Variants in PRC1 observed in about 807,000 individuals in gnomAD.
PRC1 encodes the protein anaphase spindle elongation 1 homolog.
In PRC1, 54 loss-of-function variants were observed where a neutral mutation model predicts 91.2. That is an observed-to-expected ratio of 0.59 (90% CI 0.48 to 0.74). The LOEUF is 0.74. Ranked by LOEUF, PRC1 falls within the 30% of genes least tolerant of loss-of-function variation. The pLI is 0.00. For synonymous variants in PRC1, 275 were observed against 263.6 expected (o/e 1.04, Z -0.42); for missense variants, 727 against 746.2 (o/e 0.97, Z 0.30).
intron 14 of PRC1, 174 bp from the exon 15 acceptor site, chr15:90,967,376 A>G (rs1325262642): frequency 3.4e-5 from 21 of 616,034 alleles, no homozygotes; most frequent in East Asian, 1.7e-4. Flanking sequence ...GCACCATTCT[A>G]TTAGTCACAG....
At chr15:90,981,305 T>C (rs1248088198) in intron 5 of PRC1, 194 bp downstream of exon 5, 1 of 706,974 alleles carries the variant, frequency 1.4e-6, no homozygotes, top group Non-Finnish European at 2.2e-6. Flanking sequence ...AATTTCATTT[T>C]CTTGGAGCCA....
chr15:90,972,924 T>C (rs1211137997), intron 11 of PRC1: 2 of 152,298 alleles, frequency 1.3e-5, no homozygotes, highest in African/African-American at 4.8e-5. Flanking sequence ...TACCAGAATG[T>C]TGGCAATCAT....
intron 11 of PRC1, among the ~76,000 whole-genome samples, chr15:90,971,537 T>G (rs2038126946): frequency 6.6e-6 from 1 of 151,812 alleles, no homozygotes; most frequent in Non-Finnish European, 1.5e-5. Flanking sequence ...CTACCTTGGC[T>G]TCCCGAAGTA....
chr15:90,992,527 T>G (rs2040036666), intron 1 of PRC1, among the ~76,000 whole-genome samples: 1 of 152,214 alleles, frequency 6.6e-6, no homozygotes, highest in Admixed American at 6.5e-5. Context: ...GTGCTGGGAT[T>G]ACAGGTGTGA....
At chr15:90,979,028 G>A in intron 8 of PRC1, 130 bp downstream of exon 8, 2 of 1,182,832 alleles carry the variant, frequency 1.7e-6, no homozygotes, top group Non-Finnish European at 2.3e-6. Context: ...GAGGCGGTCA[G>A]CAGAAATTCA....
intron 8 of PRC1, 138 bp downstream of exon 8, chr15:90,979,020 G>A: frequency 1.8e-6 from 2 of 1,094,758 alleles, no homozygotes; most frequent in South Asian, 1.7e-5. Flanking sequence ...ATCAAACAGA[G>A]GCGGTCAGCA....
chr15:90,977,794 G>T (rs1043560911), intron 8 of PRC1, among the ~76,000 whole-genome samples: 1 of 151,920 alleles, frequency 6.6e-6, no homozygotes, highest in Non-Finnish European at 1.5e-5. Context: ...CACTGTGTTA[G>T]CCAAGATGGT....
At chr15:90,969,681 A>G in intron 12 of PRC1, 58 bp from the exon 13 acceptor site, 1 of 1,489,052 alleles carries the variant, frequency 6.7e-7, no homozygotes, top group Non-Finnish European at 9.1e-7. Flanking sequence ...GCACACGCAC[A>G]CACAATACCT....
intron 1 of PRC1, among the ~76,000 whole-genome samples, chr15:90,987,144 G>A (rs1014830539): frequency 6.6e-6 from 1 of 151,596 alleles, no homozygotes; most frequent in Non-Finnish European, 1.5e-5. Context: ...AGCCGGGCAC[G>A]GTGACGTATG....
In PRC1 at chr15:90,974,319, G is replaced by A; in HGVS notation, c.1351-73C>T. The A allele has an allele frequency of 6.0e-6, 8 of 1,344,008 alleles. No homozygotes were observed. The highest frequency in any genetic ancestry group is 8.5e-6 in the Non-Finnish European group (8 of 943,804). The allele number at this position is 1,344,008 out of a possible 1,614,324, so 83.3% of individuals were successfully genotyped here. A position where few individuals can be genotyped will look rare whatever the true frequency, so the allele number is the denominator to read the frequency against. On this transcript the variant is annotated intron_variant, in intron 10 of 14. Transcript: ENST00000394249. The surrounding 1 kb of genome is among the most constrained non-coding windows in gnomAD (Gnocchi z 4.6). ...GGTCTGGGATGGCAACAGCAGCAGG[G>A]CCGGGAATCTAGGCCCGTGTCTCTA...
At chr15:90,973,596 T>G (rs2038380865) in intron 11 of PRC1, among the ~76,000 whole-genome samples, 1 of 152,070 alleles carries the variant, frequency 6.6e-6, no homozygotes, top group African/African-American at 2.4e-5. Context: ...AATATCTCGG[T>G]GTAAAACCCG....
In PRC1 at chr15:90,966,906, AAAC is replaced by A. The variant is rs1182919757; in HGVS notation, c.*222_*224del. ...TGCTAAAATTTGCACTTCTTGCCAT[AAAC>A]TTTTCATGTATATAAGTCAAAACCA... On this transcript the variant is annotated 3_prime_UTR_variant, in exon 15 of 15. Coordinates refer to ENST00000394249, the MANE Select transcript of PRC1 (RefSeq NM_003981.4). The A allele has an allele frequency of 1.7e-6, 1 of 571,540 alleles. No individual in the cohort carries two copies. The highest frequency in any genetic ancestry group is 3.1e-6 in the Non-Finnish European group (1 of 320,308). The allele number at this position is 571,540 out of a possible 1,614,324, so 35.4% of individuals were successfully genotyped here. A position where few individuals can be genotyped will look rare whatever the true frequency, so the allele number is the denominator to read the frequency against.
At chr15:90,976,628 G>A in intron 9 of PRC1, 48 bp downstream of exon 9, 2 of 1,367,668 alleles carry the variant, frequency 1.5e-6, no homozygotes, top group Non-Finnish European at 2.1e-6. Context: ...TACAAATAGT[G>A]AGGTATCTTT....
Position 90,981,732 on chromosome 15 carries a change from A to C in PRC1, c.501+16T>G. 1 of 1,609,500 alleles carries C rather than the reference A, an allele frequency of 6.2e-7. No individual in the cohort carries two copies. The highest frequency in any genetic ancestry group is 8.5e-7 in the Non-Finnish European group (1 of 1,176,588). On this transcript the variant is annotated intron_variant, in intron 4 of 14. Coordinates refer to ENST00000394249, the MANE Select transcript of PRC1 (RefSeq NM_003981.4). Reference sequence around the variant, plus strand: ...ACCAAAGTGACTTTTAGGAAGAACAAATGTAGGCAGTGTACCTTTGTTTCC... The same window carrying C: ...ACCAAAGTGACTTTTAGGAAGAACACATGTAGGCAGTGTACCTTTGTTTCC...
At position 90,974,029 on chromosome 15, in the gene PRC1, T is replaced by G; in HGVS notation, c.1461+107A>C. 1.4e-4 allele frequency: 120 copies of G among 867,176 alleles called. No individual in the cohort carries two copies. The highest frequency in any genetic ancestry group is 3.1e-4 in the Middle Eastern group (1 of 3,276). 53.7% of individuals were successfully genotyped at this position (867,176 alleles called of 1,614,324 possible). ...TTTCTCTGTCTCTTGTCCCACCTGATGAGAAATACCCACAGGTGTGGAGGG... is the reference window on the plus strand; with the variant it reads ...TTTCTCTGTCTCTTGTCCCACCTGAGGAGAAATACCCACAGGTGTGGAGGG... On this transcript the variant is annotated intron_variant, in intron 11 of 14. Transcript: ENST00000394249. The surrounding 1 kb of genome is among the most constrained non-coding windows in gnomAD (Gnocchi z 4.6).
Position 90,974,812 on chromosome 15 carries a change from A to T in PRC1, c.1204-81T>A, listed in dbSNP as rs2038527958. 4.0e-6 allele frequency: 6 copies of T among 1,511,918 alleles called. No individual in the cohort carries two copies. The highest frequency in any genetic ancestry group is 3.4e-5 in the Admixed American group (2 of 58,988). The allele number at this position is 1,511,918 out of a possible 1,614,324, so 93.7% of individuals were successfully genotyped here. A position where few individuals can be genotyped will look rare whatever the true frequency, so the allele number is the denominator to read the frequency against. On this transcript the variant is annotated intron_variant, in intron 9 of 14. Coordinates refer to ENST00000394249, the MANE Select transcript of PRC1 (RefSeq NM_003981.4). This position sits in a 1 kb window ranked among gnomAD's most constrained non-coding sequence, Gnocchi z 4.6. ...AATGAAATGATTTCCCTAGAGAGTGACTCCTCCTCCCCAGAGCATCATTAG... is the reference window on the plus strand; with the variant it reads ...AATGAAATGATTTCCCTAGAGAGTGTCTCCTCCTCCCCAGAGCATCATTAG...
At chr15:90,972,840 G>A (rs2038283967) in intron 11 of PRC1, 1 of 152,176 alleles carries the variant, frequency 6.6e-6, no homozygotes, top group African/African-American at 2.4e-5. Context: ...GTACCACAAG[G>A]CCATCTCTTG....
Position 90,970,639 on chromosome 15 carries a change from G to A in PRC1, c.1462-125C>T, listed in dbSNP as rs1449155892. 7.3e-6 allele frequency: 5 copies of A among 682,040 alleles called. No homozygotes were observed. In the African/African-American group the frequency reaches 8.8e-5, roughly 12 times the overall value. The allele number at this position is 682,040 out of a possible 1,614,324, so 42.2% of individuals were successfully genotyped here. On this transcript the variant is annotated intron_variant, in intron 11 of 14. Coordinates refer to ENST00000394249, the MANE Select transcript of PRC1 (RefSeq NM_003981.4). ...TCTAGGGAAGACGGGTTTACATGGT[G>A]AAGGGCCTGCTGTGTCTAATACTGC...
rs2038427209 is a variant in PRC1, at chr15:90,974,036, T to A, written c.1461+100A>T. The A allele has an allele frequency of 2.2e-6, 2 of 914,802 alleles. No homozygotes were observed. The highest frequency in any genetic ancestry group is 2.9e-5 in the South Asian group (2 of 68,774). The allele number at this position is 914,802 out of a possible 1,614,324, so 56.7% of individuals were successfully genotyped here. ...GTCTCTTGTCCCACCTGATGAGAAA[T>A]ACCCACAGGTGTGGAGGGGCTGGCC... On this transcript the variant is annotated intron_variant, in intron 11 of 14. Transcript: ENST00000394249. The surrounding 1 kb of genome is among the most constrained non-coding windows in gnomAD (Gnocchi z 4.6).
Sources: allele counts gnomAD v4.1 joint callset (sites outside exome capture counted in the v4.1 genomes callset), GRCh38; gene constraint gnomAD v4.1.1; non-coding constraint Gnocchi (gnomAD v3.1); transcripts MANE v1.5; gene names NCBI Gene and HGNC (gene_info 2026-07-23, HGNC 2026-07-21).